SCUBE2: variants seen among roughly 807,000 people sequenced by gnomAD.
SCUBE2 encodes the protein signal peptide, CUB domain and EGF like domain containing 2, also known as signal peptide, CUB and EGF-like domain-containing protein 2.
In SCUBE2, 114 loss-of-function variants were observed where a neutral mutation model predicts 125.9. The observed-to-expected ratio is 0.91, with a 90% confidence interval of 0.78 to 1.06. The LOEUF (loss-of-function observed/expected upper bound fraction) is 1.06. SCUBE2 is among the 50% of genes least tolerant of loss of function. The pLI is 0.00. For missense variants in SCUBE2, 1,255 were observed against 1,301.8 expected, an observed-to-expected ratio of 0.96 and a Z score of 0.55; for synonymous variants, 459 against 492.9, an observed-to-expected ratio of 0.93 and a Z score of 0.91.
At chr11:9,068,890 A>G (rs1643856407) in intron 5 of SCUBE2, among the ~76,000 whole-genome samples, 1 of 152,294 alleles carries the variant, frequency 6.6e-6, no homozygotes, top group African/African-American at 2.4e-5. Context: ...AGTTAAACAG[A>G]ATATTGAAGG....
intron 16 of SCUBE2, among the ~76,000 whole-genome samples, chr11:9,041,902 C>T (rs939209863): frequency 6.6e-5 from 10 of 152,096 alleles, no homozygotes; most frequent in Non-Finnish European, 1.3e-4. Flanking sequence ...TTGATGGGGA[C>T]AGCATGGGCA....
intron 16 of SCUBE2, among the ~76,000 whole-genome samples, chr11:9,037,130 A>G (rs1856807198): frequency 1.3e-5 from 2 of 152,238 alleles, no homozygotes; most frequent in Non-Finnish European, 2.9e-5. Context: ...CGCTCTTTGC[A>G]AATGTGCTGA....
chr11:9,086,864 A>C (rs1291012598), intron 2 of SCUBE2, among the ~76,000 whole-genome samples: 1 of 151,564 alleles, frequency 6.6e-6, no homozygotes, highest in Non-Finnish European at 1.5e-5. Flanking sequence ...AAAAAAAAAA[A>C]AAAAAAAAAG....
Position 9,027,470 on chromosome 11 carries a change from C to T in SCUBE2, c.2595G>A (p.Thr865=), listed in dbSNP as rs376981822. The T allele has an allele frequency of 1.3e-5, 21 of 1,613,944 alleles. No individual in the cohort carries two copies. The highest frequency in any genetic ancestry group is 1.4e-5 in the Non-Finnish European group (17 of 1,180,006). Residue 865 remains threonine (T), a synonymous_variant, in exon 20 of 23, where the codon ACG becomes ACA. Coordinates refer to ENST00000649792, the MANE Select transcript of SCUBE2 (RefSeq NM_001367977.2). The part of the protein sequence containing the change: ...PGNYPANTEC[T]WTINPPPKRR... Reference sequence around the variant, plus strand: ...GCTTGGGGGGTGGGTTGATGGTCCACGTACACTCGGTGTTGGCTGGGTAAT... The same window carrying T: ...GCTTGGGGGGTGGGTTGATGGTCCATGTACACTCGGTGTTGGCTGGGTAAT...
intron 17 of SCUBE2, chr11:9,031,364 G>A (rs1856289037): frequency 1.3e-5 from 2 of 152,944 alleles, no homozygotes; most frequent in Non-Finnish European, 1.5e-5. Flanking sequence ...TGGGCTTGAT[G>A]GCTCACGCCT....
chr11:9,024,667 C>G (rs767649600), intron 21 of SCUBE2, among the ~76,000 whole-genome samples: 1 of 152,198 alleles, frequency 6.6e-6, no homozygotes. Context: ...TCAGTCCACA[C>G]GTACACCGGG....
At chr11:9,054,903 C>G (rs1858928302) in intron 10 of SCUBE2, among the ~76,000 whole-genome samples, 2 of 150,898 alleles carry the variant, frequency 1.3e-5, no homozygotes, top group South Asian at 4.2e-4. Context: ...CCCGGCTAAT[C>G]TTGTATTTTT....
intron 4 of SCUBE2, among the ~76,000 whole-genome samples, chr11:9,071,395 T>C (rs1041675914): frequency 2.0e-5 from 3 of 152,192 alleles, no homozygotes; most frequent in African/African-American, 7.2e-5. Context: ...TCCTACCACA[T>C]CAAGCTACAC....
chr11:9,024,337 T>C, intron 21 of SCUBE2: 1 of 1,272,798 alleles, frequency 7.9e-7, no homozygotes, highest in East Asian at 5.6e-5. Context: ...CAGAGCCATG[T>C]GGGAGGCATT....
chr11:9,069,315 G>T (rs1590123525), intron 5 of SCUBE2, 55 bp downstream of exon 5: 7 of 1,602,908 alleles, frequency 4.4e-6, no homozygotes, highest in Non-Finnish European at 6.0e-6. Context: ...GCCACAGAAG[G>T]CAGCCTGTGG....
At chr11:9,072,531 A>G (rs563558350) in intron 4 of SCUBE2, among the ~76,000 whole-genome samples, 6 of 152,212 alleles carry the variant, frequency 3.9e-5, no homozygotes, top group Admixed American at 2.6e-4. Context: ...TTAAGCCTAC[A>G]GTTTCATAGA....
At chr11:9,047,826 C>T in intron 15 of SCUBE2, 117 bp downstream of exon 15, 1 of 1,257,164 alleles carries the variant, frequency 8.0e-7, no homozygotes, top group Non-Finnish European at 1.1e-6. Flanking sequence ...TGAAAAAAAA[C>T]AGGAGATACT....
chr11:9,054,725 A>ATATATTTTT (rs1368153935), intron 10 of SCUBE2, among the ~76,000 whole-genome samples: 2 of 22,348 alleles, frequency 8.9e-5, no homozygotes. Flanking sequence ...ATATATATAT[A>ATATATTTTT]TTTTTTTTTT....
At chr11:9,046,001 CTTT>C (rs58572754) in intron 16 of SCUBE2, among the ~76,000 whole-genome samples, 4 of 92,066 alleles carry the variant, frequency 4.3e-5, no homozygotes, top group South Asian at 4.9e-4. Context: ...GTCTTTCTTT[CTTT>C]TTTTTTTTTT....
Position 9,021,016 on chromosome 11 carries a change from C to G in SCUBE2, c.*29G>C. ...CTGTCCCACCAACCCTATAGCAGAA[C>G]ATTTGTATTGAGTGGCACGTGGGCT... is the stretch of plus-strand genomic sequence containing the variant. On this transcript the variant is annotated 3_prime_UTR_variant, in exon 23 of 23. Transcript: ENST00000649792. 6.2e-7 allele frequency: 1 copy of G among 1,602,852 alleles called. No homozygotes were observed. Among genetic ancestry groups the G allele is most frequent in the Non-Finnish European group, 8.5e-7 (1 of 1,173,920 alleles).
In SCUBE2 at chr11:9,033,668, C is replaced by A. The variant is rs750331327; in HGVS notation, c.2131G>T (p.Ala711Ser). 1 of 1,614,078 alleles carries A rather than the reference C, an allele frequency of 6.2e-7. No homozygotes were observed. Among genetic ancestry groups the A allele is most frequent in the Non-Finnish European group, 8.5e-7 (1 of 1,180,020 alleles). The part of the protein sequence containing the change: ...EPCPRPGNSG[A>S]LKTPEAWNMS... ...TTCCAAGCTTCTGGGGTCTTCAGGG[C>A]CCCAGAATTTCCTGGTCTTGGGCAT... The change falls in exon 17 of 23, where the codon GCC becomes TCC. Residue 711 changes from alanine to serine, a missense_variant. By Grantham distance (99) the Ala-to-Ser change is moderately conservative. This residue lies in a region of SCUBE2 where 515 missense variants were observed against 515.7 expected (regional missense o/e 1.00). Coordinates refer to ENST00000649792, the MANE Select transcript of SCUBE2 (RefSeq NM_001367977.2).
In SCUBE2 at chr11:9,021,058, C is replaced by T; in HGVS notation, c.3074G>A (p.Arg1025Lys). Reference protein sequence around the residue: ...LLRSKVSRFLRPYK With the variant: ...LLRSKVSRFLKPYK ...ACGTGGGCTGAGTCATTTGTAAGGT[C>T]TCAAAAACCTGGACACTTTGGAACG... Residue 1025 changes from arginine to lysine, a missense_variant, in exon 23 of 23, where the codon AGA becomes AAA. By Grantham distance (26) the Arg-to-Lys change is conservative. Around this residue, in one of 3 missense-constraint regions of SCUBE2, gnomAD observed 515 missense variants for 515.7 expected, o/e 1.00. Transcript: ENST00000649792. The T allele has an allele frequency of 1.2e-6, 2 of 1,613,334 alleles. No homozygotes were observed. The highest frequency in any genetic ancestry group is 1.7e-6 in the Non-Finnish European group (2 of 1,179,670).
At chr11:9,060,806 C>T (rs933340630) in intron 7 of SCUBE2, among the ~76,000 whole-genome samples, 2 of 152,196 alleles carry the variant, frequency 1.3e-5, no homozygotes, top group Non-Finnish European at 2.9e-5. Flanking sequence ...CTGAAAGTTC[C>T]TGCTGATCTG....
chr11:9,062,795 T>A (rs1309361423), intron 7 of SCUBE2, among the ~76,000 whole-genome samples: 2 of 126,740 alleles, frequency 1.6e-5, no homozygotes, highest in African/African-American at 2.9e-5. Flanking sequence ...TCCTAGAAAG[T>A]AGAACAAAAA....
Sources: gnomAD v4.1 joint callset for allele counts (sites outside exome capture counted in the v4.1 genomes callset) on GRCh38, gnomAD v4.1.1 for gene constraint, gnomAD v4.1.1 regional missense constraint, MANE v1.5 for transcripts, NCBI Gene and HGNC (gene_info 2026-07-23, HGNC 2026-07-21) for gene names.